Variants in TSPAN18 observed in about 807,000 individuals in gnomAD.
TSPAN18 encodes the protein tetraspanin 18.
In TSPAN18, 14 loss-of-function variants were observed where a neutral mutation model predicts 27.3. The observed-to-expected ratio is 0.51, with a 90% CI of 0.34 to 0.80. TSPAN18 has a LOEUF of 0.80. TSPAN18 is among the 30% of genes least tolerant of loss of function. TSPAN18 has a pLI of 0.01. For synonymous variants in TSPAN18, 143 were observed against 136.5 expected (o/e 1.05, Z -0.33); for missense variants, 268 against 323.9 (o/e 0.83, Z 1.32).
At chr11:44,892,212 G>C (rs776889287) in intron 3 of TSPAN18, among the ~76,000 whole-genome samples, 2 of 152,164 alleles carry the variant, frequency 1.3e-5, no homozygotes, top group Non-Finnish European at 2.9e-5. Context: ...CCTGGTACCT[G>C]CCTTTCCCCA....
At chr11:44,834,505 A>G (rs1424549999) in intron 2 of TSPAN18, among the ~76,000 whole-genome samples, 1 of 152,166 alleles carries the variant, frequency 6.6e-6, no homozygotes, top group East Asian at 1.9e-4. Context: ...ATGAAACCCA[A>G]GGCCTCACAA....
chr11:44,890,627 G>A (rs1393134843), intron 3 of TSPAN18, among the ~76,000 whole-genome samples: 1 of 151,906 alleles, frequency 6.6e-6, no homozygotes, highest in Non-Finnish European at 1.5e-5. Flanking sequence ...GGAGGCTGAG[G>A]CAGGAGAATG....
chr11:44,805,866 G>A (rs916010972), intron 2 of TSPAN18, among the ~76,000 whole-genome samples: 3 of 151,396 alleles, frequency 2.0e-5, no homozygotes, highest in Admixed American at 6.6e-5. Context: ...CTCTCTCTCT[G>A]TCTGTCTCTC....
intron 1 of TSPAN18, among the ~76,000 whole-genome samples, chr11:44,755,718 G>A (rs1476995785): frequency 6.6e-6 from 1 of 152,204 alleles, no homozygotes; most frequent in Non-Finnish European, 1.5e-5. Flanking sequence ...CAGGCTGGCA[G>A]TGGCCCAGCC....
intron 2 of TSPAN18, among the ~76,000 whole-genome samples, chr11:44,852,274 A>G (rs897476240): frequency 6.6e-6 from 1 of 152,232 alleles, no homozygotes; most frequent in African/African-American, 2.4e-5. Flanking sequence ...GCCTTGGTGA[A>G]GAGGCAATGG....
At chr11:44,921,207 T>C (rs1025897550) in intron 8 of TSPAN18, among the ~76,000 whole-genome samples, 1 of 152,116 alleles carries the variant, frequency 6.6e-6, no homozygotes, top group Non-Finnish European at 1.5e-5. Context: ...TTGAGGCCAC[T>C]GTGGACGTGG....
chr11:44,808,738 C>A (rs1346190783), intron 2 of TSPAN18, among the ~76,000 whole-genome samples: 3 of 152,168 alleles, frequency 2.0e-5, no homozygotes, highest in Admixed American at 2.0e-4. Context: ...ATTCTCACTT[C>A]CCAACGAATC....
chr11:44,821,352 C>T (rs1168622757), intron 2 of TSPAN18, among the ~76,000 whole-genome samples: 1 of 152,200 alleles, frequency 6.6e-6, no homozygotes, highest in Non-Finnish European at 1.5e-5. Flanking sequence ...AGGGCCAAGA[C>T]ATTTCCTTGG....
intron 2 of TSPAN18, among the ~76,000 whole-genome samples, chr11:44,837,154 T>A (rs1857280790): frequency 6.6e-6 from 1 of 152,244 alleles, no homozygotes; most frequent in African/African-American, 2.4e-5. Context: ...TATTGAAAAC[T>A]TACTGGAAAG....
At chr11:44,850,187 C>T (rs835796) in intron 2 of TSPAN18, among the ~76,000 whole-genome samples, 80,907 of 152,120 alleles carry the variant, frequency 0.53, 22,822 homozygotes, top group Non-Finnish European at 0.63. Flanking sequence ...ACCAGGGGTG[C>T]TTGTCCCCGA....
chr11:44,919,798 C>A lies in TSPAN18; in HGVS notation c.433-19C>A. Reference sequence around the variant, plus strand: ...TCCTCCTCCTGCCCACCAGAACCTTCTCTGGGATCTCCCCCTAGTTTGGTT... The same window carrying A: ...TCCTCCTCCTGCCCACCAGAACCTTATCTGGGATCTCCCCCTAGTTTGGTT... On this transcript the variant is annotated intron_variant, in intron 7 of 9. Transcript: ENST00000520358. The A allele has an allele frequency of 6.2e-7, 1 of 1,613,710 alleles. No homozygotes were observed.
At position 44,741,893 on chromosome 11, in the gene TSPAN18, C is replaced by T. The variant is rs140993024; in HGVS notation, c.-240+14606C>T. 2.0e-3 allele frequency among the ~76,000 whole-genome samples: 304 copies of T among 150,940 alleles called. 1 individual carries two copies. Among genetic ancestry groups the T allele is most frequent in the African/African-American group, 7.2e-3 (295 of 41,118 alleles). On this transcript the variant is annotated intron_variant, in intron 1 of 9. Transcript: ENST00000520358. ...CCCCTCCCCTCCCCTCTGCACCCTT[C>T]TCCTTCCTCTCCTCTCTCTGCTCTC... is the stretch of plus-strand genomic sequence containing the variant.
intron 3 of TSPAN18, chr11:44,886,303 G>C (rs1858650673): frequency 6.6e-6 from 1 of 152,228 alleles, no homozygotes; most frequent in South Asian, 2.1e-4. Flanking sequence ...ATTGCAGAGA[G>C]GAGCAGACAA....
At chr11:44,902,814 C>A (rs1055128418) in intron 3 of TSPAN18, among the ~76,000 whole-genome samples, 2 of 152,170 alleles carry the variant, frequency 1.3e-5, no homozygotes. Context: ...CTGGGCTGTC[C>A]TCACCCAGGA....
Position 44,922,088 on chromosome 11 carries a change from A to G in TSPAN18, c.615+2089A>G, listed in dbSNP as rs1860160058. On this transcript the variant is annotated intron_variant, in intron 8 of 9. Transcript: ENST00000520358. ...ACTGTCTCTATTTGTCTTTTCCTCC[A>G]AAGCCCTCTTGCTTAAAGCCCAGGA... 4.0e-5 allele frequency among the ~76,000 whole-genome samples: 6 copies of G among 150,610 alleles called. No individual in the cohort carries two copies. In the South Asian group the frequency reaches 1.3e-3, roughly 32 times the overall value.
At chr11:44,856,727 C>G (rs1333227194) in intron 2 of TSPAN18, among the ~76,000 whole-genome samples, 1 of 152,154 alleles carries the variant, frequency 6.6e-6, no homozygotes, top group Admixed American at 6.5e-5. Context: ...CTCATGGTCT[C>G]CAGGAAACAG....
At chr11:44,919,418 C>T in intron 7 of TSPAN18, 106 bp downstream of exon 7, 1 of 987,688 alleles carries the variant, frequency 1.0e-6, no homozygotes, top group Non-Finnish European at 1.6e-6. Flanking sequence ...TCCCATTGAT[C>T]ACAGACCTGG....
intron 2 of TSPAN18, among the ~76,000 whole-genome samples, chr11:44,836,640 T>C (rs575966030): frequency 9.1e-4 from 139 of 152,328 alleles, no homozygotes; most frequent in African/African-American, 3.3e-3. Flanking sequence ...TCTAGGACTT[T>C]CATAGCTAGA....
At chr11:44,919,148 G>A in intron 6 of TSPAN18, 66 bp from the exon 7 acceptor site, 1 of 1,290,810 alleles carries the variant, frequency 7.7e-7, no homozygotes, top group Non-Finnish European at 1.1e-6. Context: ...TGGATGGAGA[G>A]ACGATGGAGG....
Sources: gnomAD v4.1 joint callset for allele counts (sites outside exome capture counted in the v4.1 genomes callset) on GRCh38, gnomAD v4.1.1 for gene constraint, MANE v1.5 for transcripts, NCBI Gene and HGNC (gene_info 2026-07-23, HGNC 2026-07-21) for gene names.